STT3B: variants seen among roughly 807,000 people sequenced by gnomAD.
STT3B encodes STT3 oligosaccharyltransferase complex catalytic subunit B, also known as dolichyl-diphosphooligosaccharide--protein glycosyltransferase subunit STT3B.
Under a neutral mutation model 96.8 loss-of-function variants are expected in STT3B, and 29 were observed. The ratio of observed to expected loss-of-function variants is 0.30; its 90% CI spans 0.22 to 0.41. The LOEUF (loss-of-function observed/expected upper bound fraction) is 0.41. STT3B is among the 10% of genes least tolerant of loss of function. STT3B has a pLI of 1.00. For missense variants in STT3B, 640 were observed against 1,022.3 expected, an observed-to-expected ratio of 0.63 and a Z score of 5.10; for synonymous variants, 367 against 360.0, an observed-to-expected ratio of 1.02 and a Z score of -0.22.
At chr3:31,625,639 C>A (rs912796578) in intron 12 of STT3B, among the ~76,000 whole-genome samples, 3 of 152,182 alleles carry the variant, frequency 2.0e-5, no homozygotes, top group Non-Finnish European at 2.9e-5. Flanking sequence ...CACTGGCCAG[C>A]CCTGGCCTGC....
chr3:31,570,493 C>CT (rs1448030690), intron 1 of STT3B, among the ~76,000 whole-genome samples: 1 of 152,084 alleles, frequency 6.6e-6, no homozygotes, highest in Non-Finnish European at 1.5e-5. Context: ...GAATAAAGTA[C>CT]TTGGCTATGG....
At chr3:31,572,025 T>C (rs1270087621) in intron 1 of STT3B, among the ~76,000 whole-genome samples, 3 of 45,200 alleles carry the variant, frequency 6.6e-5, no homozygotes, top group African/African-American at 1.1e-4. Context: ...CATATTAATA[T>C]ATATTAATAT....
intron 5 of STT3B, among the ~76,000 whole-genome samples, chr3:31,605,087 G>A (rs1699018413): frequency 6.6e-6 from 1 of 152,172 alleles, no homozygotes; most frequent in Non-Finnish European, 1.5e-5. Context: ...TGTTGTTGAT[G>A]TTAAAGTTAT....
chr3:31,541,126 G>A (rs1361830595), intron 1 of STT3B, among the ~76,000 whole-genome samples: 1 of 152,182 alleles, frequency 6.6e-6, no homozygotes, highest in Non-Finnish European at 1.5e-5. Context: ...GCAAAGAAAT[G>A]AGTTCTGCAA....
At chr3:31,591,959 T>C (rs1164203809) in intron 3 of STT3B, among the ~76,000 whole-genome samples, 1 of 152,184 alleles carries the variant, frequency 6.6e-6, no homozygotes, top group East Asian at 1.9e-4. Flanking sequence ...TTTTTTAAAC[T>C]ATGGTAAAAT....
rs1158957966 is a variant in STT3B at position 31,637,417 on chromosome 3, T to C, written c.*1353T>C. The C allele has an allele frequency of 2.6e-5, 4 of 152,186 alleles. No individual in the cohort carries two copies. Among genetic ancestry groups the C allele is most frequent in the Non-Finnish European group, 5.9e-5 (4 of 68,024 alleles). The allele number at this position is 152,186 out of a possible 1,614,324, so 9.4% of individuals were successfully genotyped here. ...TTCCAAGGTGTAGAATATTCTTTGA[T>C]TTATAGAATTCATTTTTGACCCAGA... On this transcript the variant is annotated 3_prime_UTR_variant, in exon 16 of 16. Coordinates refer to ENST00000295770, the MANE Select transcript of STT3B (RefSeq NM_178862.3).
chr3:31,544,117 C>G (rs1356520203), intron 1 of STT3B, among the ~76,000 whole-genome samples: 1 of 152,124 alleles, frequency 6.6e-6, no homozygotes, highest in African/African-American at 2.4e-5. Context: ...TAAATTCATG[C>G]ACATGATGAA....
chr3:31,620,549 C>A (rs1248612716), intron 9 of STT3B, among the ~76,000 whole-genome samples: 1 of 152,058 alleles, frequency 6.6e-6, no homozygotes, highest in African/African-American at 2.4e-5. Flanking sequence ...ACTAAACATC[C>A]TCTTCATTGA....
intron 1 of STT3B, among the ~76,000 whole-genome samples, chr3:31,565,239 A>T (rs1478710351): frequency 6.6e-6 from 1 of 152,206 alleles, no homozygotes; most frequent in African/African-American, 2.4e-5. Flanking sequence ...AGGAAAAATT[A>T]TGTGAGAACA....
chr3:31,551,026 A>G (rs1697543635), intron 1 of STT3B, among the ~76,000 whole-genome samples: 2 of 152,164 alleles, frequency 1.3e-5, no homozygotes, highest in South Asian at 4.1e-4. Context: ...TATAAGAAAG[A>G]TCTGGTACCT....
intron 1 of STT3B, among the ~76,000 whole-genome samples, chr3:31,542,990 C>T (rs927381845): frequency 2.8e-5 from 4 of 142,562 alleles, no homozygotes; most frequent in Non-Finnish European, 3.0e-5. Context: ...TGTTTGAGCC[C>T]GGGTGGCAGA....
At chr3:31,555,370 C>G (rs1245440987) in intron 1 of STT3B, among the ~76,000 whole-genome samples, 1 of 151,954 alleles carries the variant, frequency 6.6e-6, no homozygotes, top group Non-Finnish European at 1.5e-5. Flanking sequence ...TTAGGATAAG[C>G]TTTATATTTA....
In STT3B at chr3:31,580,023, C is replaced by T. The variant is rs1698348768; in HGVS notation, c.638C>T (p.Ser213Phe). ...ATTGCTATTGTACCAGGCTACATAT[C>T]TCGGTCAGTAGCTGGATCCTTTGAT... ...CFIAIVPGYI[S>F]RSVAGSFDNE... Residue 213 changes from serine to phenylalanine, a missense_variant, in exon 3 of 16, where the codon TCT (serine) becomes TTT (phenylalanine). Coordinates refer to ENST00000295770, the MANE Select transcript of STT3B (RefSeq NM_178862.3). 6.2e-7 allele frequency: 1 copy of T among 1,613,850 alleles called. No homozygotes were observed. The highest frequency in any genetic ancestry group is 8.5e-7 in the Non-Finnish European group (1 of 1,179,802).
At chr3:31,606,153 TC>T (rs1406292643) in intron 5 of STT3B, among the ~76,000 whole-genome samples, 1 of 152,142 alleles carries the variant, frequency 6.6e-6, no homozygotes, top group African/African-American at 2.4e-5. Context: ...TAAAAAGCAT[TC>T]CATTTTTAAA....
intron 2 of STT3B, among the ~76,000 whole-genome samples, chr3:31,578,221 T>C (rs1198922499): frequency 2.0e-5 from 3 of 152,112 alleles, no homozygotes; most frequent in African/African-American, 7.2e-5. Context: ...GGTAATTAGG[T>C]CTTCACTCTG....
chr3:31,592,565 G>A (rs765431962), intron 3 of STT3B, among the ~76,000 whole-genome samples: 1 of 152,090 alleles, frequency 6.6e-6, no homozygotes, highest in Non-Finnish European at 1.5e-5. Context: ...CTGCACAAAG[G>A]TTTAATTTTT....
At chr3:31,581,436 C>A (rs1698381244) in intron 3 of STT3B, among the ~76,000 whole-genome samples, 1 of 151,966 alleles carries the variant, frequency 6.6e-6, no homozygotes, top group Admixed American at 6.6e-5. Context: ...ATAAAATATT[C>A]TATTTTGTGG....
rs72856007 is a variant in STT3B at position 31,565,846 on chromosome 3, C to A, written c.315-10550C>A. On this transcript the variant is annotated intron_variant, in intron 1 of 15. Transcript: ENST00000295770. The stretch of plus-strand genomic sequence containing the variant: ...ATGGTACAGTCAGACATATATTAGA[C>A]TTCTCTGTCCTTTTATTTCCAAAGT... Among the ~76,000 whole-genome samples the A allele has an allele frequency of 2.6e-3, 395 of 152,254 alleles. 1 individual carries two copies. Among genetic ancestry groups the A allele is most frequent in the African/African-American group, 9.3e-3 (387 of 41,542 alleles).
intron 1 of STT3B, among the ~76,000 whole-genome samples, chr3:31,536,708 G>T (rs1257221453): frequency 1.3e-5 from 2 of 152,156 alleles, no homozygotes; most frequent in East Asian, 3.9e-4. Context: ...CAACATTTTT[G>T]GTAACAATTT....
Sources: allele counts gnomAD v4.1 joint callset (sites outside exome capture counted in the v4.1 genomes callset), GRCh38; gene constraint gnomAD v4.1.1; transcripts MANE v1.5; gene names NCBI Gene and HGNC (gene_info 2026-07-23, HGNC 2026-07-21).